Variants in AGO1 observed in about 807,000 individuals in gnomAD.
AGO1 encodes argonaute RISC component 1, also known as protein argonaute-1.
Under a neutral mutation model 109.2 loss-of-function variants are expected in AGO1, and 11 were observed. That is an observed-to-expected ratio of 0.10 (90% CI 0.06 to 0.17). The LOEUF (loss-of-function observed/expected upper bound fraction) is 0.17. Among genes scored for constraint, AGO1 ranks in the 10% least tolerant of loss-of-function variants. The probability of loss-of-function intolerance (pLI) is 1.00; values close to 1 mark genes in which losing one functional copy is unlikely to be tolerated. For missense variants in AGO1, 574 were observed against 1,140.3 expected, an observed-to-expected ratio of 0.50 and a Z score of 7.15; for synonymous variants, 422 against 418.6, an observed-to-expected ratio of 1.01 and a Z score of -0.10.
At chr1:35,890,962 CAT>C (rs1645206844) in intron 2 of AGO1, among the ~76,000 whole-genome samples, 1 of 152,188 alleles carries the variant, frequency 6.6e-6, no homozygotes, top group African/African-American at 2.4e-5. Context: ...GATGCACACA[CAT>C]ATAAATATGT....
chr1:35,909,780 TC>T, intron 12 of AGO1, among the ~76,000 whole-genome samples: 1 of 152,162 alleles, frequency 6.6e-6, no homozygotes, highest in Non-Finnish European at 1.5e-5. Context: ...GATACAATAC[TC>T]AGTAATTAAC....
In AGO1 at chr1:35,912,163, C is replaced by T. The variant is rs372344644; in HGVS notation, c.1583-1679C>T. ...ATGAGGTCAGGAGATCGAGACCATC[C>T]TGGCTAACATGGTGAAACCCCATCT... On this transcript the variant is annotated intron_variant, in intron 12 of 18. Coordinates refer to ENST00000373204, the MANE Select transcript of AGO1 (RefSeq NM_012199.5). 1.2e-3 allele frequency among the ~76,000 whole-genome samples: 181 copies of T among 152,192 alleles called. 4 individuals carry two copies. In the South Asian group the frequency reaches 0.035, roughly 29 times the overall value.
At chr1:35,873,631 G>C (rs922843391) in intron 1 of AGO1, 1 of 158,164 alleles carries the variant, frequency 6.3e-6, no homozygotes, top group Non-Finnish European at 1.4e-5. Context: ...CAGTCTTCCT[G>C]ATTTTTCAGT....
intron 8 of AGO1, among the ~76,000 whole-genome samples, chr1:35,900,559 C>T (rs1381086837): frequency 1.3e-5 from 2 of 152,126 alleles, no homozygotes. Context: ...AAAACCCCAT[C>T]TCTATTAAAA....
At chr1:35,892,519 GTC>G (rs1571347336) in intron 2 of AGO1, 36 bp from the exon 3 acceptor site, 1 of 1,614,058 alleles carries the variant, frequency 6.2e-7, no homozygotes. Context: ...AGTGGTGGTA[GTC>G]TCTCAGCTTC....
chr1:35,919,323 T>C lies in AGO1; in HGVS notation c.2465+69T>C, dbSNP rs1645791269. 1 of 1,544,194 alleles carries C rather than the reference T, an allele frequency of 6.5e-7. No individual in the cohort carries two copies. The highest frequency in any genetic ancestry group is 2.4e-5 in the East Asian group (1 of 41,668). ...TTGTGCCAGATCTTCTTAACTTTCC[T>C]TGGGTAGAAGGAAATGAGTGCTGTC... On this transcript the variant is annotated intron_variant, in intron 18 of 18. Transcript: ENST00000373204. This position sits in a 1 kb window ranked among gnomAD's most constrained non-coding sequence, Gnocchi z 6.6.
Position 35,921,841 on chromosome 1 carries a change from T to C in AGO1, c.*2234T>C, listed in dbSNP as rs1253817472. ...CCAGCTGAAGAACAGAATGGAGGGC[T>C]CTGGGAGGAGGCAGCTCACTGGAGA... On this transcript the variant is annotated 3_prime_UTR_variant, in exon 19 of 19. Coordinates refer to ENST00000373204, the MANE Select transcript of AGO1 (RefSeq NM_012199.5). 6.5e-6 allele frequency: 1 copy of C among 152,706 alleles called. No homozygotes were observed. The highest frequency in any genetic ancestry group is 1.5e-5 in the Non-Finnish European group (1 of 68,076). 9.5% of individuals were successfully genotyped at this position (152,706 alleles called of 1,614,324 possible).
intron 6 of AGO1, 54 bp from the exon 7 acceptor site, chr1:35,894,261 C>T: frequency 1.2e-6 from 2 of 1,608,162 alleles, no homozygotes; most frequent in African/African-American, 1.3e-5. Flanking sequence ...AGAGACCAAG[C>T]CTGGGCACAT....
At chr1:35,910,961 G>A (rs1190929073) in intron 12 of AGO1, among the ~76,000 whole-genome samples, 2 of 152,200 alleles carry the variant, frequency 1.3e-5, no homozygotes, top group African/African-American at 4.8e-5. Flanking sequence ...AGCTACTCGG[G>A]AGGCTGAGGC....
rs968398401 is a variant in AGO1 at position 35,929,160 on chromosome 1, T to C, written c.*9553T>C. On this transcript the variant is annotated 3_prime_UTR_variant, in exon 19 of 19. Transcript: ENST00000373204. Reference sequence around the variant, plus strand: ...CAGTTGGGAATGAGTTATCCAAATATAGGGTGTACATGTAGTCAGGAGAGA... The same window carrying C: ...CAGTTGGGAATGAGTTATCCAAATACAGGGTGTACATGTAGTCAGGAGAGA... 5 of 152,260 alleles carry C rather than the reference T, an allele frequency of 3.3e-5. No homozygotes were observed. The highest frequency in any genetic ancestry group is 1.3e-4 in the Admixed American group (2 of 15,282). 9.4% of individuals were successfully genotyped at this position (152,260 alleles called of 1,614,324 possible).
At position 35,919,843 on chromosome 1, in the gene AGO1, A is replaced by C. The variant is rs541172177; in HGVS notation, c.*236A>C. 5 of 530,036 alleles carry C rather than the reference A, an allele frequency of 9.4e-6. No individual in the cohort carries two copies. The East Asian group carries it at 1.5e-4, about 16-fold the overall frequency. The allele number at this position is 530,036 out of a possible 1,614,324, so 32.8% of individuals were successfully genotyped here. On this transcript the variant is annotated 3_prime_UTR_variant, in exon 19 of 19. Transcript: ENST00000373204. This position sits in a 1 kb window ranked among gnomAD's most constrained non-coding sequence, Gnocchi z 6.6. ...CCCCCACCCCTCACCCCATCTTGTCACATCTGGCCCTGACCCCACTGGACC... is the reference window on the plus strand; with the variant it reads ...CCCCCACCCCTCACCCCATCTTGTCCCATCTGGCCCTGACCCCACTGGACC...
At chr1:35,896,058 G>T (rs1184920415) in intron 8 of AGO1, among the ~76,000 whole-genome samples, 3 of 151,794 alleles carry the variant, frequency 2.0e-5, no homozygotes, top group Non-Finnish European at 4.4e-5. Flanking sequence ...GGAGTGCAAT[G>T]GCATGATGTT....
rs1557606472 is a variant in AGO1 at position 35,893,154 on chromosome 1, A to G, written c.388A>G (p.Ile130Val). The change falls in exon 4 of 19, where the codon ATC (isoleucine) becomes GTC (valine). Residue 130 changes from isoleucine to valine, a missense_variant. Coordinates refer to ENST00000373204, the MANE Select transcript of AGO1 (RefSeq NM_012199.5). This position sits in a 1 kb window ranked among gnomAD's most constrained non-coding sequence, Gnocchi z 5.6. ...GAAGGATCGAATCTTTAAGGTCTCC[A>G]TCAAGTGGCTAGCCATTGTGAGCTG... ...EGKDRIFKVSIKWLAIVSWRM... is the reference protein window; with the variant it reads ...EGKDRIFKVSVKWLAIVSWRM... The G allele has an allele frequency of 6.2e-7, 1 of 1,614,196 alleles. No individual in the cohort carries two copies. The highest frequency in any genetic ancestry group is 8.5e-7 in the Non-Finnish European group (1 of 1,180,042).
Position 35,870,561 on chromosome 1 carries a change from C to A in AGO1, c.-201+658C>A, listed in dbSNP as rs200464641. Among the ~76,000 whole-genome samples, 615 of 152,276 alleles carry A rather than the reference C, an allele frequency of 4.0e-3. 2 individuals carry two copies. The highest frequency in any genetic ancestry group is 0.02 in the Middle Eastern group (6 of 294). On this transcript the variant is annotated intron_variant, in intron 1 of 18. Transcript: ENST00000373206. The stretch of plus-strand genomic sequence containing the variant: ...CCTCCCAAAGTGCTGGGATTACAGG[C>A]GTGAGCCACCGCGCCTGGCCATATG...
At chr1:35,910,150 T>C (rs1645607038) in intron 12 of AGO1, among the ~76,000 whole-genome samples, 1 of 144,574 alleles carries the variant, frequency 6.9e-6, no homozygotes, top group Admixed American at 6.8e-5. Flanking sequence ...GTCATTTGCC[T>C]AGGAACTAAG....
chr1:35,919,803 A>G lies in AGO1; in HGVS notation c.*196A>G. The G allele has an allele frequency of 1.7e-6, 1 of 574,774 alleles. No homozygotes were observed. The highest frequency in any genetic ancestry group is 3.1e-6 in the Non-Finnish European group (1 of 324,350). 35.6% of individuals were successfully genotyped at this position (574,774 alleles called of 1,614,324 possible). On this transcript the variant is annotated 3_prime_UTR_variant, in exon 19 of 19. Transcript: ENST00000373204. The surrounding 1 kb of genome is among the most constrained non-coding windows in gnomAD (Gnocchi z 6.6). ...ACAGACCACCAGCCAGAAATCTCTG[A>G]TATCAACCTCATGTCCCCCACCCCT...
rs912794404 is a variant in AGO1, at chr1:35,929,633, A to C, written c.*10026A>C. ...GCAGTGTTTCATCTGGTGACATTTA[A>C]TTTGATATTTTAAAATTGGGGAGGG... is the stretch of plus-strand genomic sequence containing the variant. On this transcript the variant is annotated 3_prime_UTR_variant, in exon 19 of 19. Transcript: ENST00000373204. 1 of 152,204 alleles carries C rather than the reference A, an allele frequency of 6.6e-6. No individual in the cohort carries two copies. The highest frequency in any genetic ancestry group is 1.5e-5 in the Non-Finnish European group (1 of 68,026). 9.4% of individuals were successfully genotyped at this position (152,204 alleles called of 1,614,324 possible).
chr1:35,873,341 C>T (rs1644968430), intron 1 of AGO1: 1 of 154,018 alleles, frequency 6.5e-6, no homozygotes, highest in Non-Finnish European at 1.5e-5. Flanking sequence ...AAACTGATTG[C>T]TTACTCTAAC....
intron 11 of AGO1, 66 bp from the exon 12 acceptor site, chr1:35,906,869 A>T: frequency 7.1e-7 from 1 of 1,402,452 alleles, no homozygotes; most frequent in South Asian, 1.3e-5. Context: ...CCTAAGATGG[A>T]TGGATTTTTG....
Sources: allele counts gnomAD v4.1 joint callset (sites outside exome capture counted in the v4.1 genomes callset), GRCh38; gene constraint gnomAD v4.1.1; non-coding constraint Gnocchi (gnomAD v3.1); transcripts MANE v1.5; gene names NCBI Gene and HGNC (gene_info 2026-07-23, HGNC 2026-07-21).